TENM4: variants seen among roughly 807,000 people sequenced by gnomAD.
TENM4 encodes the protein teneurin transmembrane protein 4.
TENM4 carries 82 observed loss-of-function variants against 243.3 expected under a neutral mutation model. That is an observed-to-expected ratio of 0.34 (90% CI 0.28 to 0.40). The LOEUF is 0.40. Ranked by LOEUF, TENM4 falls within the 10% of genes least tolerant of loss-of-function variation. The probability of loss-of-function intolerance (pLI) is 1.00; values close to 1 mark genes in which losing one functional copy is unlikely to be tolerated. For synonymous variants in TENM4, 1,412 were observed against 1,456.3 expected, an observed-to-expected ratio of 0.97 and a Z score of 0.69; for missense variants, 3,138 against 3,673.3, an observed-to-expected ratio of 0.85 and a Z score of 3.77.
chr11:79,146,974 C>A (rs1303411220), intron 4 of TENM4, among the ~76,000 whole-genome samples: 1 of 152,102 alleles, frequency 6.6e-6, no homozygotes, highest in Non-Finnish European at 1.5e-5. Flanking sequence ...CACACATATG[C>A]ACAAACACAC....
At chr11:79,257,646 C>T (rs1051791047) in intron 2 of TENM4, among the ~76,000 whole-genome samples, 4 of 152,196 alleles carry the variant, frequency 2.6e-5, no homozygotes, top group African/African-American at 7.2e-5. Context: ...GGCTGCCAAA[C>T]CATCTGCCAG....
At chr11:78,689,662 T>C (rs1303071878) in intron 28 of TENM4, among the ~76,000 whole-genome samples, 1 of 152,032 alleles carries the variant, frequency 6.6e-6, no homozygotes, top group African/African-American at 2.4e-5. Context: ...AGGGGAGACT[T>C]GGTGGGTGAG....
At chr11:78,794,115 C>G (rs1167031419) in intron 15 of TENM4, among the ~76,000 whole-genome samples, 1 of 152,210 alleles carries the variant, frequency 6.6e-6, no homozygotes, top group Non-Finnish European at 1.5e-5. Context: ...AATGTGTAAT[C>G]ACCTAACCAG....
At chr11:79,298,998 A>C (rs1856506310) in intron 1 of TENM4, among the ~76,000 whole-genome samples, 1 of 152,210 alleles carries the variant, frequency 6.6e-6, no homozygotes, top group Non-Finnish European at 1.5e-5. Flanking sequence ...TAACAGCGTA[A>C]AGGAATTTGT....
chr11:78,727,214 C>T (rs1470516920), intron 22 of TENM4, among the ~76,000 whole-genome samples: 2 of 152,046 alleles, frequency 1.3e-5, no homozygotes, highest in African/African-American at 2.4e-5. Flanking sequence ...TTTGGGAGGC[C>T]GAGGCGGGCG....
At chr11:79,386,651 C>T (rs1338555906) in intron 1 of TENM4, among the ~76,000 whole-genome samples, 1 of 152,028 alleles carries the variant, frequency 6.6e-6, no homozygotes, top group Non-Finnish European at 1.5e-5. Flanking sequence ...GAAAAGGTGC[C>T]CTATTTCAGT....
At chr11:78,782,487 C>T (rs1202665801) in intron 16 of TENM4, among the ~76,000 whole-genome samples, 1 of 152,142 alleles carries the variant, frequency 6.6e-6, no homozygotes, top group African/African-American at 2.4e-5. Flanking sequence ...ATCCCGGCTA[C>T]TTGGGAGGCT....
intron 2 of TENM4, among the ~76,000 whole-genome samples, chr11:79,222,750 G>T (rs971189122): frequency 4.6e-5 from 7 of 152,206 alleles, no homozygotes; most frequent in African/African-American, 1.7e-4. Flanking sequence ...TTTCTCTAAT[G>T]ATCAGTGATG....
At chr11:78,919,793 C>G (rs1039924188) in intron 6 of TENM4, among the ~76,000 whole-genome samples, 2 of 152,098 alleles carry the variant, frequency 1.3e-5, no homozygotes, top group African/African-American at 4.8e-5. Flanking sequence ...TCCATCCTTA[C>G]AGCTGGGAGT....
At chr11:79,057,450 A>G (rs991575214) in intron 6 of TENM4, among the ~76,000 whole-genome samples, 1 of 152,116 alleles carries the variant, frequency 6.6e-6, no homozygotes, top group African/African-American at 2.4e-5. Context: ...CCGCAAGGCT[A>G]TGTTCAAATG....
At chr11:78,974,385 G>T (rs1457550500) in intron 6 of TENM4, among the ~76,000 whole-genome samples, 1 of 152,194 alleles carries the variant, frequency 6.6e-6, no homozygotes, top group Non-Finnish European at 1.5e-5. Context: ...TATAGATAAA[G>T]AAACTGAGGC....
intron 22 of TENM4, among the ~76,000 whole-genome samples, chr11:78,726,808 A>G (rs1028223817): frequency 6.6e-6 from 1 of 152,220 alleles, no homozygotes; most frequent in African/African-American, 2.4e-5. Flanking sequence ...CTTCCCCAGA[A>G]GCAGATGCTG....
intron 4 of TENM4, among the ~76,000 whole-genome samples, chr11:79,128,645 G>A (rs1345122630): frequency 6.6e-6 from 1 of 152,170 alleles, no homozygotes; most frequent in African/African-American, 2.4e-5. Flanking sequence ...CCTGGAAGTG[G>A]ACAGCTGCAG....
intron 6 of TENM4, among the ~76,000 whole-genome samples, chr11:78,972,976 C>G (rs1219432672): frequency 6.6e-6 from 1 of 152,214 alleles, no homozygotes; most frequent in Non-Finnish European, 1.5e-5. Flanking sequence ...AATATTTTCT[C>G]AAGGGTTCAT....
rs559432783 is a variant in TENM4, at chr11:78,736,486, G to A, written c.2876+1965C>T. Among the ~76,000 whole-genome samples the A allele has an allele frequency of 2.0e-3, 294 of 150,194 alleles. 1 individual carries two copies. The highest frequency in any genetic ancestry group is 2.5e-3 in the Non-Finnish European group (167 of 67,642). The stretch of plus-strand genomic sequence containing the variant: ...TGTGTGTGTGTGTGTGTGTGCGCGC[G>A]CGTGCATGTGAGTAGGGGTGGGGGA... On this transcript the variant is annotated intron_variant, in intron 20 of 33. Transcript: ENST00000278550.
At chr11:79,037,808 C>A (rs1859425288) in intron 6 of TENM4, among the ~76,000 whole-genome samples, 1 of 152,170 alleles carries the variant, frequency 6.6e-6, no homozygotes, top group Admixed American at 6.5e-5. Flanking sequence ...GTCAAGGGAA[C>A]TAAATATATG....
chr11:78,832,690 A>G (rs1032909314), intron 12 of TENM4, among the ~76,000 whole-genome samples: 12 of 152,228 alleles, frequency 7.9e-5, no homozygotes, highest in Non-Finnish European at 1.5e-4. Flanking sequence ...CCTCGTAATA[A>G]GGGCAGGGCC....
chr11:78,728,499 G>T (rs755315056), intron 22 of TENM4, among the ~76,000 whole-genome samples: 1 of 142,574 alleles, frequency 7.0e-6, no homozygotes, highest in Non-Finnish European at 1.5e-5. Flanking sequence ...CCTTGCTTCT[G>T]CTCCCTCCCT....
intron 6 of TENM4, among the ~76,000 whole-genome samples, chr11:78,966,336 T>C (rs1857436974): frequency 6.6e-6 from 1 of 152,254 alleles, no homozygotes; most frequent in South Asian, 2.1e-4. Context: ...ATGTTAGATG[T>C]TGCTATGCAT....
Sources: allele counts gnomAD v4.1 joint callset (sites outside exome capture counted in the v4.1 genomes callset), GRCh38; gene constraint gnomAD v4.1.1; transcripts MANE v1.5; gene names NCBI Gene and HGNC (gene_info 2026-07-23, HGNC 2026-07-21).